The following EXOC4 variants were observed in gnomAD, a reference collection of about 807,000 sequenced individuals.
EXOC4 encodes the protein SEC8-like 1.
In EXOC4, 71 loss-of-function variants were observed where a neutral mutation model predicts 107.2. The ratio of observed to expected loss-of-function variants is 0.66; its 90% CI spans 0.55 to 0.81. The LOEUF is 0.81. Among genes scored for constraint, EXOC4 ranks in the 30% least tolerant of loss-of-function variants. EXOC4 has a pLI of 0.00. For missense variants in EXOC4, 1,108 were observed against 1,189.6 expected (o/e 0.93, Z 1.01); for synonymous variants, 456 against 441.2 (o/e 1.03, Z -0.42).
At chr7:133,673,986 G>A (rs1376666215) in intron 10 of EXOC4, among the ~76,000 whole-genome samples, 1 of 152,162 alleles carries the variant, frequency 6.6e-6, no homozygotes, top group Non-Finnish European at 1.5e-5. Flanking sequence ...AGGGTTGTAT[G>A]GTGCCCTATT....
At chr7:133,880,433 T>G (rs1327064095) in intron 11 of EXOC4, among the ~76,000 whole-genome samples, 1 of 152,176 alleles carries the variant, frequency 6.6e-6, no homozygotes, top group Non-Finnish European at 1.5e-5. Context: ...TTGGGGATAT[T>G]TCTTATAAAT....
At chr7:133,972,959 A>G (rs1801276833) in intron 14 of EXOC4, among the ~76,000 whole-genome samples, 1 of 152,246 alleles carries the variant, frequency 6.6e-6, no homozygotes, top group African/African-American at 2.4e-5. Flanking sequence ...TGTTACACAC[A>G]TAGACAGGGA....
intron 7 of EXOC4, among the ~76,000 whole-genome samples, chr7:133,391,029 C>T (rs1021182852): frequency 6.6e-6 from 1 of 152,152 alleles, no homozygotes; most frequent in Non-Finnish European, 1.5e-5. Context: ...AATCTTATAG[C>T]TCTCAAAGGT....
intron 10 of EXOC4, among the ~76,000 whole-genome samples, chr7:133,711,871 A>G (rs963880069): frequency 6.2e-4 from 95 of 152,082 alleles, no homozygotes; most frequent in African/African-American, 2.1e-3. Context: ...CTTCCTGTTT[A>G]TTTATTTATT....
chr7:133,772,216 G>C lies in EXOC4; in HGVS notation c.1515-45109G>C, dbSNP rs758410185. ...ACTTAGTATGTACTCTGCATTCCAG[G>C]CTGGTCTGGGCATGCATTTTGCAGA... On this transcript the variant is annotated intron_variant, in intron 10 of 17. Coordinates refer to ENST00000253861, the MANE Select transcript of EXOC4 (RefSeq NM_021807.4). 2.0e-5 allele frequency among the ~76,000 whole-genome samples: 3 copies of C among 151,954 alleles called. No homozygotes were observed. The South Asian group carries it at 6.2e-4, about 31-fold the overall frequency.
intron 10 of EXOC4, among the ~76,000 whole-genome samples, chr7:133,638,739 C>A (rs1802775561): frequency 6.6e-6 from 1 of 152,098 alleles, no homozygotes; most frequent in Admixed American, 6.5e-5. Flanking sequence ...AACTAGCTTT[C>A]TTCTGTTGTA....
intron 10 of EXOC4, among the ~76,000 whole-genome samples, chr7:133,687,083 C>T (rs1833334): frequency 0.36 from 54,555 of 150,374 alleles, 12,321 homozygotes; most frequent in Admixed American, 0.54. Context: ...TAAAAAGGAA[C>T]GAATTAATGG....
At chr7:133,681,306 C>T (rs1304865251) in intron 10 of EXOC4, among the ~76,000 whole-genome samples, 1 of 152,048 alleles carries the variant, frequency 6.6e-6, no homozygotes, top group African/African-American at 2.4e-5. Flanking sequence ...TCGTGTTTCT[C>T]ATGTAAATAA....
chr7:133,391,928 A>G (rs899945249), intron 7 of EXOC4, among the ~76,000 whole-genome samples: 1 of 152,192 alleles, frequency 6.6e-6, no homozygotes. Flanking sequence ...CCTGGGAACA[A>G]TGGGGGTGAG....
chr7:133,884,578 GCT>G (rs1247280097), intron 11 of EXOC4, among the ~76,000 whole-genome samples: 10 of 122,764 alleles, frequency 8.1e-5, no homozygotes, highest in Non-Finnish European at 1.5e-4. Context: ...CTTGCCCTAT[GCT>G]CTGTGTGTGT....
At chr7:133,908,075 C>T (rs962263759) in intron 12 of EXOC4, among the ~76,000 whole-genome samples, 1 of 152,160 alleles carries the variant, frequency 6.6e-6, no homozygotes, top group Non-Finnish European at 1.5e-5. Flanking sequence ...CCCACCTAAC[C>T]AGTTGTCCTA....
At chr7:133,986,808 A>G (rs1479615482) in intron 14 of EXOC4, among the ~76,000 whole-genome samples, 2 of 152,230 alleles carry the variant, frequency 1.3e-5, no homozygotes, top group East Asian at 3.8e-4. Context: ...GACTGGGGGT[A>G]GAATTAGCTG....
At chr7:133,503,234 A>C (rs934587769) in intron 9 of EXOC4, among the ~76,000 whole-genome samples, 1 of 152,050 alleles carries the variant, frequency 6.6e-6, no homozygotes, top group Non-Finnish European at 1.5e-5. Flanking sequence ...TGGTTTCTCT[A>C]TTTAAATAAG....
chr7:133,461,829 G>A (rs1421210501), intron 7 of EXOC4, among the ~76,000 whole-genome samples: 1 of 152,172 alleles, frequency 6.6e-6, no homozygotes, highest in Non-Finnish European at 1.5e-5. Context: ...TTAAGACATT[G>A]TGCCTAGATG....
rs543358827 is a variant in EXOC4 at position 133,598,845 on chromosome 7, G to A, written c.1418-31200G>A. Among the ~76,000 whole-genome samples the A allele has an allele frequency of 1.9e-3, 283 of 152,140 alleles. 3 individuals carry two copies. The highest frequency in any genetic ancestry group is 6.0e-3 in the African/African-American group (250 of 41,524). On this transcript the variant is annotated intron_variant, in intron 9 of 17. Transcript: ENST00000253861. ...AAAAAATACAAAAAATTAGCTGGGCGTGGTGGCAGGCACCTGTAGTCCCAG... is the reference window on the plus strand; with the variant it reads ...AAAAAATACAAAAAATTAGCTGGGCATGGTGGCAGGCACCTGTAGTCCCAG...
At chr7:133,357,284 C>T (rs1796044447) in intron 6 of EXOC4, among the ~76,000 whole-genome samples, 2 of 152,192 alleles carry the variant, frequency 1.3e-5, no homozygotes, top group Non-Finnish European at 2.9e-5. Context: ...TTAGTATCCA[C>T]ATATTGCAGT....
At chr7:133,971,607 C>G (rs1054879569) in intron 14 of EXOC4, among the ~76,000 whole-genome samples, 1 of 151,772 alleles carries the variant, frequency 6.6e-6, no homozygotes, top group African/African-American at 2.4e-5. Flanking sequence ...GGAAAACAAA[C>G]CTTTTTTAAA....
intron 17 of EXOC4, among the ~76,000 whole-genome samples, chr7:134,046,758 C>T (rs959721180): frequency 2.6e-5 from 4 of 152,156 alleles, no homozygotes; most frequent in African/African-American, 9.7e-5. Context: ...GACTCCCATG[C>T]CTTTGCATTT....
rs1794291410 is a variant in EXOC4, at chr7:133,992,646, T to TTTTG, written c.2207-4845_2207-4842dup. The stretch of plus-strand genomic sequence containing the variant: ...TAAATTCATTTACCAGTCCTAAGAG[T>TTTTG]TTTGGGGTGGAGTCTTTAGGATTTT... On this transcript the variant is annotated intron_variant, in intron 14 of 17. Coordinates refer to ENST00000253861, the MANE Select transcript of EXOC4 (RefSeq NM_021807.4). Among the ~76,000 whole-genome samples the TTTTG allele has an allele frequency of 2.0e-5, 3 of 151,196 alleles. No homozygotes were observed. The Admixed American group carries it at 2.0e-4, about 10-fold the overall frequency.
Sources: allele counts gnomAD v4.1 joint callset (sites outside exome capture counted in the v4.1 genomes callset), GRCh38; gene constraint gnomAD v4.1.1; transcripts MANE v1.5; gene names NCBI Gene and HGNC (gene_info 2026-07-23, HGNC 2026-07-21).